The following PJA2 variants were observed in gnomAD, a reference collection of about 807,000 sequenced individuals.
PJA2 encodes the protein praja ring finger ubiquitin ligase 2, also known as E3 ubiquitin-protein ligase Praja-2.
In PJA2, 25 loss-of-function variants were observed where a neutral mutation model predicts 69.3. The ratio of observed to expected loss-of-function variants is 0.36; its 90% CI spans 0.26 to 0.50. PJA2 has a LOEUF of 0.50. Ranked by LOEUF, PJA2 falls within the 20% of genes least tolerant of loss-of-function variation. The pLI is 0.96. For synonymous variants in PJA2, 308 were observed against 277.8 expected, an observed-to-expected ratio of 1.11 and a Z score of -1.08; for missense variants, 809 against 830.2, an observed-to-expected ratio of 0.97 and a Z score of 0.31.
rs1339948292 is a variant in PJA2 at position 109,368,592 on chromosome 5, C to T, written c.1438G>A (p.Glu480Lys). 4 of 1,613,666 alleles carry T rather than the reference C, an allele frequency of 2.5e-6. No individual in the cohort carries two copies. The highest frequency in any genetic ancestry group is 1.3e-5 in the African/African-American group (1 of 74,874). ...TGAAGAGATAATTCTTGGTTTTCTT[C>T]TTCAGGGCCACTGCTATCACTTTGT... ...ELQSDSSGPEEENQELSLQEG... is the reference protein window; with the variant it reads ...ELQSDSSGPEKENQELSLQEG... Residue 480 changes from glutamate to lysine, a missense_variant, in exon 5 of 10, where the codon GAA becomes AAA. This residue lies in a region of PJA2 where 700 missense variants were observed against 639.5 expected (regional missense o/e 1.09). Coordinates refer to ENST00000361189, the MANE Select transcript of PJA2 (RefSeq NM_014819.5).
Position 109,353,674 on chromosome 5 carries a change from C to A in PJA2, c.1764+2241G>T, listed in dbSNP as rs1199115679. ...ATTAGATACCTATTATATCTACAGA[C>A]ATCTATATATTAGATACCTATTATA... On this transcript the variant is annotated intron_variant, in intron 7 of 9. Coordinates refer to ENST00000361189, the MANE Select transcript of PJA2 (RefSeq NM_014819.5). 5.5e-5 allele frequency among the ~76,000 whole-genome samples: 8 copies of A among 146,566 alleles called. No individual in the cohort carries two copies. The South Asian group carries it at 1.8e-3, about 33-fold the overall frequency.
chr5:109,350,313 T>C (rs1469856141), intron 7 of PJA2, among the ~76,000 whole-genome samples: 3 of 152,062 alleles, frequency 2.0e-5, no homozygotes, highest in African/African-American at 7.2e-5. Flanking sequence ...TATCTATACC[T>C]TTAGGCAGTA....
At chr5:109,341,209 A>G (rs1475305025) in intron 9 of PJA2, among the ~76,000 whole-genome samples, 8 of 132,210 alleles carry the variant, frequency 6.1e-5, no homozygotes, top group Non-Finnish European at 8.3e-5. Context: ...GCCTCTTCCC[A>G]GCCGCCATCA....
chr5:109,361,547 T>A (rs760760933), intron 6 of PJA2, among the ~76,000 whole-genome samples: 7 of 152,204 alleles, frequency 4.6e-5, no homozygotes, highest in African/African-American at 7.2e-5. Flanking sequence ...TTTGAGGAAT[T>A]ACTTTGCATA....
At chr5:109,405,310 T>C (rs952610308) in intron 1 of PJA2, among the ~76,000 whole-genome samples, 1 of 152,352 alleles carries the variant, frequency 6.6e-6, no homozygotes, top group African/African-American at 2.4e-5. Flanking sequence ...AGACAACCTG[T>C]ATTCATGAAT....
chr5:109,338,787 G>C (rs1447957345), intron 9 of PJA2, among the ~76,000 whole-genome samples: 1 of 151,992 alleles, frequency 6.6e-6, no homozygotes, highest in Non-Finnish European at 1.5e-5. Flanking sequence ...ACTTAGACAA[G>C]TAACAATCAT....
intron 1 of PJA2, among the ~76,000 whole-genome samples, chr5:109,395,300 A>T (rs1042141132): frequency 6.6e-6 from 1 of 152,082 alleles, no homozygotes; most frequent in African/African-American, 2.4e-5. Flanking sequence ...GGGATGAAGA[A>T]GGTGGATAGT....
intron 9 of PJA2, among the ~76,000 whole-genome samples, chr5:109,339,826 A>T (rs893614645): frequency 2.6e-5 from 4 of 152,240 alleles, no homozygotes; most frequent in African/African-American, 9.6e-5. Context: ...TAAAAACACT[A>T]GAGGTTGGTA....
chr5:109,401,297 A>G (rs1022147587), intron 1 of PJA2, among the ~76,000 whole-genome samples: 1 of 152,066 alleles, frequency 6.6e-6, no homozygotes, highest in African/African-American at 2.4e-5. Flanking sequence ...AACAACCGCT[A>G]CCACCACCAA....
intron 8 of PJA2, 109 bp downstream of exon 8, chr5:109,344,596 A>C: frequency 1.3e-6 from 1 of 790,416 alleles, no homozygotes; most frequent in Non-Finnish European, 1.9e-6. Context: ...CTATAAAAAA[A>C]ATCTAGTGAA....
intron 7 of PJA2, among the ~76,000 whole-genome samples, chr5:109,353,134 A>T (rs1762293130): frequency 6.9e-6 from 1 of 144,142 alleles, no homozygotes; most frequent in African/African-American, 2.5e-5. Context: ...TATATATTAG[A>T]TACCTATATC....
In PJA2 at chr5:109,379,133, G is replaced by T. The variant is rs373783199; in HGVS notation, c.354C>A (p.Ser118=). The change falls in exon 4 of 10, where the codon TCC becomes TCA. Residue 118 remains serine (S), a synonymous_variant. Transcript: ENST00000361189. ...ALNQTTESSQ[S]FVAVHHSEEG... ...CCTCACTGTGATGTACTGCAACAAA[G>T]GATTGACTGCTCTCAGTGGTTTGAT... 1 of 1,614,070 alleles carries T rather than the reference G, an allele frequency of 6.2e-7. No individual in the cohort carries two copies. Among genetic ancestry groups the T allele is most frequent in the Non-Finnish European group, 8.5e-7 (1 of 1,180,014 alleles).
rs574960372 is a variant in PJA2 at position 109,409,956 on chromosome 5, TGGC to T, written c.-205_-203del. On this transcript the variant is annotated 5_prime_UTR_variant, in exon 1 of 10. Coordinates refer to ENST00000361189, the MANE Select transcript of PJA2 (RefSeq NM_014819.5). ...CCGAACGCGAAGCGGCTGGCGGCTG[TGGC>T]GGCGGCGGCGGCGGTGGCGGCGGCG... 1.0e-3 allele frequency: 220 copies of T among 209,826 alleles called. No homozygotes were observed. The highest frequency in any genetic ancestry group is 3.6e-3 in the South Asian group (61 of 17,084). 13.0% of individuals were successfully genotyped at this position (209,826 alleles called of 1,614,324 possible).
At chr5:109,387,803 T>TA (rs1747192598) in intron 1 of PJA2, among the ~76,000 whole-genome samples, 1 of 136,340 alleles carries the variant, frequency 7.3e-6, no homozygotes, top group Non-Finnish European at 1.6e-5. Context: ...CTTCTCACAG[T>TA]AAACTAGTGA....
chr5:109,409,965 C>CGGCGGTGGT lies in PJA2; in HGVS notation c.-212_-211insACCACCGCC. On this transcript the variant is annotated 5_prime_UTR_variant, in exon 1 of 10. Coordinates refer to ENST00000361189, the MANE Select transcript of PJA2 (RefSeq NM_014819.5). ...AAGCGGCTGGCGGCTGTGGCGGCGGCGGCGGCGGTGGCGGCGGCGGAAGCA... is the reference window on the plus strand; with the variant it reads ...AAGCGGCTGGCGGCTGTGGCGGCGGCGGCGGTGGTGGCGGCGGTGGCGGCGGCGGAAGCA... The CGGCGGTGGT allele has an allele frequency of 4.6e-6, 1 of 216,426 alleles. No homozygotes were observed. Among genetic ancestry groups the CGGCGGTGGT allele is most frequent in the Non-Finnish European group, 9.1e-6 (1 of 110,042 alleles). The allele number at this position is 216,426 out of a possible 1,614,324, so 13.4% of individuals were successfully genotyped here.
intron 6 of PJA2, among the ~76,000 whole-genome samples, chr5:109,356,816 A>C (rs761985826): frequency 6.6e-6 from 1 of 152,100 alleles, no homozygotes; most frequent in South Asian, 2.1e-4. Context: ...CAGCTTGAAA[A>C]ATAGCTCCTA....
At chr5:109,397,213 C>G (rs1747434637) in intron 1 of PJA2, among the ~76,000 whole-genome samples, 1 of 152,132 alleles carries the variant, frequency 6.6e-6, no homozygotes, top group African/African-American at 2.4e-5. Flanking sequence ...CATCCAGGCT[C>G]TAGAATTGTG....
rs1023017272 is a variant in PJA2, at chr5:109,354,046, T to C, written c.1764+1869A>G. Among the ~76,000 whole-genome samples the C allele has an allele frequency of 3.7e-5, 5 of 136,142 alleles. No homozygotes were observed. The East Asian group carries it at 8.3e-4, about 23-fold the overall frequency. The allele number at this position is 136,142 out of a possible 152,430, so 89.3% of individuals were successfully genotyped here. A position where few individuals can be genotyped will look rare whatever the true frequency, so the allele number is the denominator to read the frequency against. The stretch of plus-strand genomic sequence containing the variant: ...TATGATATCTAGAGATATCTATAGA[T>C]TAGATATCTATGATATCTAGAGATA... On this transcript the variant is annotated intron_variant, in intron 7 of 9. Coordinates refer to ENST00000361189, the MANE Select transcript of PJA2 (RefSeq NM_014819.5).
chr5:109,356,693 T>G (rs1041156016), intron 6 of PJA2, among the ~76,000 whole-genome samples: 7 of 152,206 alleles, frequency 4.6e-5, no homozygotes, highest in African/African-American at 9.7e-5. Context: ...CACGGCTTTT[T>G]TCTTTTCTCA....
Sources: allele counts gnomAD v4.1 joint callset (sites outside exome capture counted in the v4.1 genomes callset), GRCh38; gene constraint gnomAD v4.1.1; regional missense constraint gnomAD v4.1.1; transcripts MANE v1.5; gene names NCBI Gene and HGNC (gene_info 2026-07-23, HGNC 2026-07-21).